Variants in SLC35D4 observed in about 807,000 individuals in gnomAD.
SLC35D4 encodes UDP-N-acetylglucosamine transporter SLC35D4.
chr18:23,303,495 C>A, the SLC35D4 span, among the ~76,000 whole-genome samples: 2 of 152,232 alleles, frequency 1.3e-5, no homozygotes, highest in South Asian at 2.1e-4. Flanking sequence ...GGAGAGCTGT[C>A]TTACTCTTAG....
At chr18:23,266,771 C>T in the SLC35D4 span, among the ~76,000 whole-genome samples, 1 of 152,250 alleles carries the variant, frequency 6.6e-6, no homozygotes, top group East Asian at 1.9e-4. Context: ...GACAAGGTCG[C>T]CTGGCCAACT....
At chr18:23,364,228 TAGATGCGAA>T in the SLC35D4 span, among the ~76,000 whole-genome samples, 1 of 152,172 alleles carries the variant, frequency 6.6e-6, no homozygotes, top group Non-Finnish European at 1.5e-5. Context: ...TCTCATTTTC[TAGATGCGAA>T]AACTGAGACC....
chr18:23,402,150 T>C, the SLC35D4 span, among the ~76,000 whole-genome samples: 92 of 152,190 alleles, frequency 6.0e-4, 1 homozygote, highest in Non-Finnish European at 6.3e-4. Flanking sequence ...GTGACGGCTG[T>C]CTTTCTCCAC....
the SLC35D4 span, among the ~76,000 whole-genome samples, chr18:23,336,782 C>T: frequency 2.0e-5 from 3 of 152,186 alleles, no homozygotes; most frequent in Admixed American, 6.5e-5. Flanking sequence ...GATTACCGTT[C>T]ACCATCCAGG....
chr18:23,309,679 C>T, the SLC35D4 span: 2 of 1,613,872 alleles, frequency 1.2e-6, no homozygotes, highest in Non-Finnish European at 1.7e-6. Flanking sequence ...AAAAGACTTA[C>T]CATCCCGTGG....
At chr18:23,405,659 G>GT in the SLC35D4 span, among the ~76,000 whole-genome samples, 3 of 152,200 alleles carry the variant, frequency 2.0e-5, no homozygotes, top group Non-Finnish European at 4.4e-5. Flanking sequence ...AATGGGAGAG[G>GT]TAGGCAATAA....
At chr18:23,373,861 A>C in the SLC35D4 span, 1 of 1,352,576 alleles carries the variant, frequency 7.4e-7, no homozygotes, top group Non-Finnish European at 1.0e-6. Context: ...GAGTTGGATG[A>C]GGCAAAGATC....
chr18:23,338,874 T>C, the SLC35D4 span, among the ~76,000 whole-genome samples: 927 of 152,130 alleles, frequency 6.1e-3, 9 homozygotes, highest in African/African-American at 0.021. Context: ...TAAGGAGCAA[T>C]AGGAAGGAAA....
At chr18:23,296,981 G>A in the SLC35D4 span, 1 of 152,100 alleles carries the variant, frequency 6.6e-6, no homozygotes, top group African/African-American at 2.4e-5. Flanking sequence ...ACTCACTCTA[G>A]AGTTTAAAAT....
the SLC35D4 span, among the ~76,000 whole-genome samples, chr18:23,369,621 C>A: frequency 6.6e-6 from 1 of 152,100 alleles, no homozygotes; most frequent in Non-Finnish European, 1.5e-5. Flanking sequence ...CACATGTCAT[C>A]TGAGAGGTGA....
chr18:23,246,441 A>C, the SLC35D4 span, among the ~76,000 whole-genome samples: 1 of 151,590 alleles, frequency 6.6e-6, no homozygotes, highest in African/African-American at 2.4e-5. Flanking sequence ...GCCCAGGCTG[A>C]AGTGCAGTGG....
At chr18:23,339,882 C>T in the SLC35D4 span, among the ~76,000 whole-genome samples, 2 of 152,188 alleles carry the variant, frequency 1.3e-5, no homozygotes. Flanking sequence ...CCCAAAGTCC[C>T]CGCCTCTTAC....
At chr18:23,429,131 T>C in the SLC35D4 span, among the ~76,000 whole-genome samples, 28 of 152,280 alleles carry the variant, frequency 1.8e-4, no homozygotes, top group Non-Finnish European at 3.5e-4. Context: ...TTTGTTATTA[T>C]GCATAGTGCT....
the SLC35D4 span, among the ~76,000 whole-genome samples, chr18:23,406,166 T>G: frequency 6.6e-6 from 1 of 152,218 alleles, no homozygotes; most frequent in African/African-American, 2.4e-5. Context: ...TTATAACATT[T>G]ACATGGTTAT....
At chr18:23,428,276 C>T in the SLC35D4 span, among the ~76,000 whole-genome samples, 1 of 151,962 alleles carries the variant, frequency 6.6e-6, no homozygotes, top group Non-Finnish European at 1.5e-5. Context: ...AAAAGAGATA[C>T]AAGTGGATCA....
At chr18:23,241,392 A>G in the SLC35D4 span, among the ~76,000 whole-genome samples, 1 of 152,130 alleles carries the variant, frequency 6.6e-6, no homozygotes, top group East Asian at 1.9e-4. Flanking sequence ...TTAGCTGGGC[A>G]TAGTGGCAGG....
At chr18:23,308,430 G>A in the SLC35D4 span, among the ~76,000 whole-genome samples, 29 of 152,120 alleles carry the variant, frequency 1.9e-4, no homozygotes, top group East Asian at 3.9e-3. Context: ...GCCAAACCCT[G>A]CTCTTCACAC....
At chr18:23,376,200 T>C in the SLC35D4 span, among the ~76,000 whole-genome samples, 1 of 152,266 alleles carries the variant, frequency 6.6e-6, no homozygotes, top group Non-Finnish European at 1.5e-5. Flanking sequence ...CATGTTTTTA[T>C]ATGTACACAT....
chr18:23,412,427 A>G, the SLC35D4 span, among the ~76,000 whole-genome samples: 1 of 152,196 alleles, frequency 6.6e-6, no homozygotes, highest in African/African-American at 2.4e-5. Context: ...GTTGGAAAGG[A>G]TTTCTGCATA....
Sources: allele counts gnomAD v4.1 joint callset (sites outside exome capture counted in the v4.1 genomes callset), GRCh38; gene constraint gnomAD v4.1.1; transcripts MANE v1.5; gene names NCBI Gene and HGNC (gene_info 2026-07-23, HGNC 2026-07-21).